The following NALF2 variants were observed in gnomAD, a reference collection of about 807,000 sequenced individuals.
NALF2 encodes the protein NALCN channel auxiliary factor 2, also known as bB57D9.1 (TED protein).
A neutral mutation model predicts 24.8 loss-of-function variants in NALF2; 1 was observed. The observed-to-expected ratio is 0.04, with a 90% CI of 0.01 to 0.19. The LOEUF is 0.19. Ranked by LOEUF, NALF2 falls within the 10% of genes least tolerant of loss-of-function variation. NALF2 has a pLI of 1.00. For missense variants in NALF2, 458 were observed against 409.6 expected, an observed-to-expected ratio of 1.12 and a Z score of -1.02; for synonymous variants, 254 against 189.8, an observed-to-expected ratio of 1.34 and a Z score of -2.78.
intron 1 of NALF2, among the ~76,000 whole-genome samples, chrX:69,506,909 G>A (rs1399330455): frequency 8.9e-6 from 1 of 112,557 alleles, no homozygotes; most frequent in Non-Finnish European, 1.9e-5. Context: ...CTGGGGATAG[G>A]TATCCAGAGG....
In NALF2 at chrX:69,530,192, G is replaced by T; in HGVS notation, c.*236G>T. 2 of 364,675 alleles carry T rather than the reference G, an allele frequency of 5.5e-6. No individual in the cohort carries two copies. Among genetic ancestry groups the T allele is most frequent in the Non-Finnish European group, 9.4e-6 (2 of 211,648 alleles). 30.1% of individuals were successfully genotyped at this position (364,675 alleles called of 1,213,427 possible). A position where few individuals can be genotyped will look rare whatever the true frequency, so the allele number is the denominator to read the frequency against. Reference sequence around the variant, plus strand: ...GGAGAAAAAGGCAGGAGCAGCAAGTGACCCCTCCCAAGCTCCCATCTATGG... The same window carrying T: ...GGAGAAAAAGGCAGGAGCAGCAAGTTACCCCTCCCAAGCTCCCATCTATGG... On this transcript the variant is annotated 3_prime_UTR_variant, in exon 3 of 3. Coordinates refer to ENST00000252338, the MANE Select transcript of NALF2 (RefSeq NM_015686.3).
intron 1 of NALF2, among the ~76,000 whole-genome samples, chrX:69,512,577 T>C (rs755754945): frequency 3.0e-4 from 34 of 111,670 alleles, no homozygotes; most frequent in Middle Eastern, 4.7e-3. Context: ...TTGCGAGTCT[T>C]TGAGTGCCTA....
intron 1 of NALF2, among the ~76,000 whole-genome samples, chrX:69,518,428 T>C (rs867028763): frequency 3.6e-5 from 4 of 111,955 alleles, no homozygotes; most frequent in Non-Finnish European, 5.6e-5. Flanking sequence ...TACACACACA[T>C]ATATATGTGT....
At chrX:69,514,525 C>T (rs1930636311) in intron 1 of NALF2, among the ~76,000 whole-genome samples, 1 of 111,380 alleles carries the variant, frequency 9.0e-6, no homozygotes, top group Non-Finnish European at 1.9e-5. Flanking sequence ...CTGCTATGAA[C>T]ATTGGTGTAC....
Position 69,531,830 on chromosome X carries a change from T to G in NALF2, c.*1874T>G, listed in dbSNP as rs1263599766. 2 of 111,885 alleles carry G rather than the reference T, an allele frequency of 1.8e-5. No individual in the cohort carries two copies. Among genetic ancestry groups the G allele is most frequent in the African/African-American group, 6.5e-5 (2 of 30,617 alleles). The allele number at this position is 111,885 out of a possible 1,213,427, so 9.2% of individuals were successfully genotyped here. A position where few individuals can be genotyped will look rare whatever the true frequency, so the allele number is the denominator to read the frequency against. On this transcript the variant is annotated 3_prime_UTR_variant, in exon 3 of 3. Transcript: ENST00000252338. ...TGGGCCTGGTCACATACCCCATCCC[T>G]AGAGTGCTCTTTTCAGCTGGGGAGG... is the stretch of plus-strand genomic sequence containing the variant.
chrX:69,529,782 C>G lies in NALF2; in HGVS notation c.1245C>G (p.Pro415=), dbSNP rs762196194. 2.6e-5 allele frequency: 32 copies of G among 1,209,879 alleles called. No individual in the cohort carries two copies. The South Asian group carries it at 5.1e-4, about 19-fold the overall frequency. Residue 415 remains proline (P), a synonymous_variant, in exon 3 of 3, where the codon CCC becomes CCG. Coordinates refer to ENST00000252338, the MANE Select transcript of NALF2 (RefSeq NM_015686.3). The stretch of plus-strand genomic sequence containing the variant: ...CCCCAGGCCGTGTCAGCAACAAGCC[C>G]GCCCTGCTGCCGGTCTCTGGGGGCT... The part of the protein sequence containing the change: ...HDPPGRVSNK[P]ALLPVSGGSR...
chrX:69,514,364 A>G (rs1175826262), intron 1 of NALF2, among the ~76,000 whole-genome samples: 3 of 111,640 alleles, frequency 2.7e-5, no homozygotes, highest in Non-Finnish European at 5.6e-5. Flanking sequence ...TTAGTGTTCA[A>G]GGTTCATCCA....
rs962441554 is a variant in NALF2 at position 69,529,302 on chromosome X, G to A, written c.1033+138G>A. 1.8e-5 allele frequency: 14 copies of A among 793,024 alleles called. 1 individual carries two copies. In the African/African-American group the frequency reaches 2.3e-4, roughly 13 times the overall value. The allele number at this position is 793,024 out of a possible 1,213,427, so 65.4% of individuals were successfully genotyped here. On this transcript the variant is annotated intron_variant, in intron 2 of 2. Coordinates refer to ENST00000252338, the MANE Select transcript of NALF2 (RefSeq NM_015686.3). ...AGTGGCTGGACGAATGGGCAGTGAC[G>A]TCCCCAGGTTGGGATAGGGCCAAGT...
chrX:69,519,373 G>A, intron 1 of NALF2, among the ~76,000 whole-genome samples: 1 of 111,367 alleles, frequency 9.0e-6, no homozygotes, highest in Non-Finnish European at 1.9e-5. Flanking sequence ...TGAGGACAGT[G>A]GACAGATGAG....
At position 69,529,986 on chromosome X, in the gene NALF2, C is replaced by T. The variant is rs747293695; in HGVS notation, c.*30C>T. ...AGGGAGGGAGGACAGACCTCCACCA[C>T]ACTGACATCAGCTCCAGCTCCCCCA... On this transcript the variant is annotated 3_prime_UTR_variant, in exon 3 of 3. Coordinates refer to ENST00000252338, the MANE Select transcript of NALF2 (RefSeq NM_015686.3). 23 of 1,088,255 alleles carry T rather than the reference C, an allele frequency of 2.1e-5. 1 individual carries two copies. Among genetic ancestry groups the T allele is most frequent in the South Asian group, 1.1e-4 (5 of 46,983 alleles). 89.7% of individuals were successfully genotyped at this position (1,088,255 alleles called of 1,213,427 possible). A position where few individuals can be genotyped will look rare whatever the true frequency, so the allele number is the denominator to read the frequency against.
At position 69,504,400 on chromosome X, in the gene NALF2, T is replaced by C. The variant is rs1930411201; in HGVS notation, c.-883T>C. On this transcript the variant is annotated 5_prime_UTR_variant, in exon 1 of 3. Transcript: ENST00000252338. ...CCGCCAAACACACTTGCACAGGGGC[T>C]CTCAAGGTGTTCTCCGCACAGCGGA... 8.8e-6 allele frequency among the ~76,000 whole-genome samples: 1 copy of C among 112,995 alleles called. No individual in the cohort carries two copies. Among genetic ancestry groups the C allele is most frequent in the Admixed American group, 9.2e-5 (1 of 10,889 alleles).
intron 1 of NALF2, among the ~76,000 whole-genome samples, chrX:69,517,651 G>T (rs891143086): frequency 8.9e-6 from 1 of 112,077 alleles, no homozygotes; most frequent in Non-Finnish European, 1.9e-5. Flanking sequence ...AACAGGAGGT[G>T]AAGTATCTAT....
intron 1 of NALF2, among the ~76,000 whole-genome samples, chrX:69,519,053 T>G (rs778733902): frequency 8.9e-6 from 1 of 112,452 alleles, no homozygotes; most frequent in East Asian, 2.8e-4. Context: ...TTATAAATAT[T>G]GTTCACAGCT....
In NALF2 at chrX:69,506,096, T is replaced by C. The variant is rs1417910404; in HGVS notation, c.814T>C (p.Leu272=). ...DEFDLVLHKY[L]QAEEYSIRSC... ...GTTCGACCTCGTGCTGCATAAATACTTACAGGCGGAAGAGTACTCAATCCG... is the reference window on the plus strand; with the variant it reads ...GTTCGACCTCGTGCTGCATAAATACCTACAGGCGGAAGAGTACTCAATCCG... The change falls in exon 1 of 3, where the codon TTA becomes CTA. Residue 272 remains leucine (L), a synonymous_variant. Coordinates refer to ENST00000252338, the MANE Select transcript of NALF2 (RefSeq NM_015686.3). 3.3e-6 allele frequency: 4 copies of C among 1,207,589 alleles called. No homozygotes were observed. Among genetic ancestry groups the C allele is most frequent in the East Asian group, 3.0e-5 (1 of 33,683 alleles).
intron 1 of NALF2, among the ~76,000 whole-genome samples, chrX:69,507,060 G>A (rs1423862272): frequency 8.9e-6 from 1 of 111,855 alleles, no homozygotes; most frequent in Non-Finnish European, 1.9e-5. Context: ...TGCCCTGCTC[G>A]CCCAGCCTGG....
Position 69,531,600 on chromosome X carries a change from A to G in NALF2, c.*1644A>G, listed in dbSNP as rs1362709925. 8.9e-6 allele frequency: 1 copy of G among 112,376 alleles called. No individual in the cohort carries two copies. The highest frequency in any genetic ancestry group is 3.3e-5 in the African/African-American group (1 of 30,722). 9.3% of individuals were successfully genotyped at this position (112,376 alleles called of 1,213,427 possible). On this transcript the variant is annotated 3_prime_UTR_variant, in exon 3 of 3. Transcript: ENST00000252338. ...CCTGGAGCTGCGTGAGAGTGAAACCAAGAAGCGGATGGGGAAGGGAGAGCT... is the reference window on the plus strand; with the variant it reads ...CCTGGAGCTGCGTGAGAGTGAAACCGAGAAGCGGATGGGGAAGGGAGAGCT...
intron 1 of NALF2, among the ~76,000 whole-genome samples, chrX:69,519,815 T>G (rs1216022038): frequency 8.9e-6 from 1 of 112,116 alleles, no homozygotes; most frequent in Non-Finnish European, 1.9e-5. Context: ...ATAGCTATCT[T>G]CAATTTTATT....
Position 69,530,015 on chromosome X carries a change from TG to T in NALF2, c.*66del, listed in dbSNP as rs1555967006. The T allele has an allele frequency of 9.5e-6, 8 of 839,036 alleles. No homozygotes were observed. Among genetic ancestry groups the T allele is most frequent in the African/African-American group, 4.8e-5 (2 of 41,753 alleles). The allele number at this position is 839,036 out of a possible 1,213,427, so 69.1% of individuals were successfully genotyped here. A position where few individuals can be genotyped will look rare whatever the true frequency, so the allele number is the denominator to read the frequency against. The stretch of plus-strand genomic sequence containing the variant: ...GACATCAGCTCCAGCTCCCCCAGGT[TG>T]GGGGGGAGGGGGCTCCTCCCATGGG... On this transcript the variant is annotated 3_prime_UTR_variant, in exon 3 of 3. Transcript: ENST00000252338.
rs1930434901 is a variant in NALF2, at chrX:69,505,086, C to A, written c.-197C>A. On this transcript the variant is annotated 5_prime_UTR_variant, in exon 1 of 3. Transcript: ENST00000252338. ...TGAGAGCGACGGAGCGCGGGAGCGG[C>A]GCGGAGACGGCACCAGAGCGCCCCG... 9.3e-6 allele frequency among the ~76,000 whole-genome samples: 1 copy of A among 107,333 alleles called. No individual in the cohort carries two copies. The highest frequency in any genetic ancestry group is 3.3e-5 in the African/African-American group (1 of 29,900). The allele number at this position is 107,333 out of a possible 115,157, so 93.2% of individuals were successfully genotyped here.
Sources: gnomAD v4.1 joint callset for allele counts (sites outside exome capture counted in the v4.1 genomes callset) on GRCh38, gnomAD v4.1.1 for gene constraint, MANE v1.5 for transcripts, NCBI Gene and HGNC (gene_info 2026-07-23, HGNC 2026-07-21) for gene names.